The following MEGF9 variants were observed in gnomAD, a reference collection of about 807,000 sequenced individuals.
The protein encoded by MEGF9 is multiple EGF like domains 9, also known as multiple epidermal growth factor-like domains protein 9.
Under a neutral mutation model 46.8 loss-of-function variants are expected in MEGF9, and 6 were observed. The observed-to-expected ratio is 0.13, with a 90% CI of 0.07 to 0.25. The LOEUF (loss-of-function observed/expected upper bound fraction) is 0.25. Among genes scored for constraint, MEGF9 ranks in the 10% least tolerant of loss-of-function variants. The probability of loss-of-function intolerance (pLI) is 1.00; values close to 1 mark genes in which losing one functional copy is unlikely to be tolerated. For synonymous variants in MEGF9, 302 were observed against 330.7 expected (o/e 0.91, Z 0.94); for missense variants, 683 against 792.4 (o/e 0.86, Z 1.66).
At chr9:120,616,438 G>A (rs1053216263) in intron 3 of MEGF9, among the ~76,000 whole-genome samples, 5 of 152,024 alleles carry the variant, frequency 3.3e-5, no homozygotes, top group Non-Finnish European at 7.4e-5. Context: ...CCAGCACTCT[G>A]GGAGGCCGAG....
chr9:120,663,620 C>T (rs1259154078), intron 1 of MEGF9, among the ~76,000 whole-genome samples: 1 of 152,126 alleles, frequency 6.6e-6, no homozygotes, highest in Non-Finnish European at 1.5e-5. Context: ...TGATTAATGG[C>T]AAGTCACCAG....
intron 5 of MEGF9, among the ~76,000 whole-genome samples, chr9:120,606,041 G>A (rs937256486): frequency 5.9e-5 from 9 of 151,872 alleles, no homozygotes; most frequent in South Asian, 2.1e-4. Context: ...GCGTGGTGGC[G>A]GGTGCCTGTA....
intron 1 of MEGF9, among the ~76,000 whole-genome samples, chr9:120,699,233 A>T (rs1418540524): frequency 6.6e-6 from 1 of 152,200 alleles, no homozygotes; most frequent in Non-Finnish European, 1.5e-5. Flanking sequence ...GTTAAATCCT[A>T]CTTGCACCTC....
intron 1 of MEGF9, among the ~76,000 whole-genome samples, chr9:120,680,933 C>T (rs1444437379): frequency 6.7e-6 from 1 of 149,890 alleles, no homozygotes; most frequent in Non-Finnish European, 1.5e-5. Flanking sequence ...GCAGGCTCCC[C>T]TGTGGCCAAG....
At chr9:120,678,335 C>T (rs1363448502) in intron 1 of MEGF9, among the ~76,000 whole-genome samples, 1 of 152,142 alleles carries the variant, frequency 6.6e-6, no homozygotes, top group Admixed American at 6.5e-5. Context: ...TATTGTAGCT[C>T]TAATTTTAGT....
intron 2 of MEGF9, among the ~76,000 whole-genome samples, chr9:120,644,801 A>C (rs1432773095): frequency 6.6e-6 from 1 of 152,228 alleles, no homozygotes; most frequent in Non-Finnish European, 1.5e-5. Flanking sequence ...TAATGTCAGA[A>C]GCATTTGTCA....
chr9:120,620,438 G>GA (rs541794923), intron 3 of MEGF9, among the ~76,000 whole-genome samples: 2 of 147,802 alleles, frequency 1.4e-5, no homozygotes, highest in Non-Finnish European at 1.5e-5. Context: ...ATACAATGGT[G>GA]AAAAAAAAAA....
intron 3 of MEGF9, among the ~76,000 whole-genome samples, chr9:120,617,321 T>C (rs1160824702): frequency 6.6e-6 from 1 of 152,238 alleles, no homozygotes; most frequent in African/African-American, 2.4e-5. Flanking sequence ...AGACCTTTCC[T>C]TATTCCTTTA....
intron 3 of MEGF9, among the ~76,000 whole-genome samples, chr9:120,616,718 G>T (rs1336119108): frequency 2.7e-5 from 4 of 147,376 alleles, no homozygotes; most frequent in Non-Finnish European, 6.0e-5. Flanking sequence ...GGGAATTAAT[G>T]TCAAATTTGT....
chr9:120,699,278 T>C (rs191743830), intron 1 of MEGF9, among the ~76,000 whole-genome samples: 2 of 152,326 alleles, frequency 1.3e-5, no homozygotes. Flanking sequence ...TCATTTATTA[T>C]CATGAGAAAT....
At chr9:120,655,137 C>A (rs956646100) in intron 2 of MEGF9, among the ~76,000 whole-genome samples, 1 of 152,078 alleles carries the variant, frequency 6.6e-6, no homozygotes, top group African/African-American at 2.4e-5. Context: ...TTTATAAATT[C>A]TACAGTAGTG....
intron 2 of MEGF9, among the ~76,000 whole-genome samples, chr9:120,659,137 C>T (rs564754431): frequency 2.7e-4 from 41 of 152,138 alleles, no homozygotes; most frequent in Admixed American, 1.6e-3. Flanking sequence ...GAAATTATCC[C>T]AGAGAAAAAT....
intron 1 of MEGF9, among the ~76,000 whole-genome samples, chr9:120,689,354 G>A (rs115159067): frequency 0.011 from 1,620 of 152,182 alleles, 30 homozygotes; most frequent in African/African-American, 0.034. Context: ...ATTGTGGCTG[G>A]GACACAGAAT....
chr9:120,705,265 A>T (rs1459381924), intron 1 of MEGF9, among the ~76,000 whole-genome samples: 1 of 152,114 alleles, frequency 6.6e-6, no homozygotes, highest in East Asian at 1.9e-4. Flanking sequence ...AGAAAGACAG[A>T]TTTTGTTCTC....
intron 3 of MEGF9, among the ~76,000 whole-genome samples, chr9:120,614,269 C>G (rs1231194124): frequency 6.6e-6 from 1 of 152,166 alleles, no homozygotes; most frequent in Non-Finnish European, 1.5e-5. Flanking sequence ...GTGATGCGCC[C>G]ATGTAGGCCT....
chr9:120,700,633 TC>T (rs200488665), intron 1 of MEGF9, among the ~76,000 whole-genome samples: 6 of 151,488 alleles, frequency 4.0e-5, no homozygotes, highest in Non-Finnish European at 5.9e-5. Flanking sequence ...TGCAAGTCCT[TC>T]CCCCCCCGTT....
At position 120,650,355 on chromosome 9, in the gene MEGF9, A is replaced by G. The variant is rs553287242; in HGVS notation, c.803+9019T>C. 2.6e-5 allele frequency among the ~76,000 whole-genome samples: 4 copies of G among 152,368 alleles called. No homozygotes were observed. In the East Asian group the frequency reaches 7.7e-4, roughly 29 times the overall value. On this transcript the variant is annotated intron_variant, in intron 2 of 5. Transcript: ENST00000373930. ...TGCTACCTGATTTCTCTATTCATTT[A>G]TTAAGCACATGTCAAAATATAAATC...
intron 2 of MEGF9, among the ~76,000 whole-genome samples, chr9:120,632,070 G>C (rs1210664864): frequency 2.0e-5 from 3 of 152,016 alleles, no homozygotes; most frequent in Non-Finnish European, 4.4e-5. Flanking sequence ...TGGGACTATA[G>C]GTGCATGCTA....
chr9:120,671,492 T>C (rs2043748832), intron 1 of MEGF9, among the ~76,000 whole-genome samples: 3 of 152,210 alleles, frequency 2.0e-5, no homozygotes, highest in Admixed American at 1.3e-4. Flanking sequence ...ATATTATGCA[T>C]AACTCTATGC....
Sources: gnomAD v4.1 joint callset for allele counts (sites outside exome capture counted in the v4.1 genomes callset) on GRCh38, gnomAD v4.1.1 for gene constraint, MANE v1.5 for transcripts, NCBI Gene and HGNC (gene_info 2026-07-23, HGNC 2026-07-21) for gene names.